GRM7: variants seen among roughly 807,000 people sequenced by gnomAD.
GRM7 encodes the protein metabotropic glutamate receptor 7.
A neutral mutation model predicts 84.5 loss-of-function variants in GRM7; 35 were observed. The observed-to-expected ratio is 0.41, with a 90% CI of 0.32 to 0.55. GRM7 has a LOEUF of 0.55. GRM7 is among the 20% of genes least tolerant of loss of function. The pLI is 0.19. For synonymous variants in GRM7, 487 were observed against 455.1 expected (o/e 1.07, Z -0.89); for missense variants, 1,003 against 1,194.6 (o/e 0.84, Z 2.36).
intron 8 of GRM7, among the ~76,000 whole-genome samples, chr3:7,597,566 T>A (rs191933585): frequency 6.6e-6 from 1 of 152,254 alleles, no homozygotes; most frequent in Non-Finnish European, 1.5e-5. Flanking sequence ...ATATACTGGA[T>A]TTAGCACATC....
chr3:7,553,735 A>C (rs112864623), intron 7 of GRM7, among the ~76,000 whole-genome samples: 1 of 152,112 alleles, frequency 6.6e-6, no homozygotes, highest in South Asian at 2.1e-4. Context: ...GCATGGGGGA[A>C]ATCACCCTCT....
intron 1 of GRM7, among the ~76,000 whole-genome samples, chr3:6,936,180 C>T (rs1697686617): frequency 6.6e-6 from 1 of 152,188 alleles, no homozygotes; most frequent in Admixed American, 6.5e-5. Context: ...GTCTCTCCCT[C>T]GGTGTTCTGC....
chr3:7,141,708 T>G (rs1246047864), intron 1 of GRM7, among the ~76,000 whole-genome samples: 1 of 151,402 alleles, frequency 6.6e-6, no homozygotes, highest in Non-Finnish European at 1.5e-5. Flanking sequence ...ACAGCTAAAA[T>G]AGTAAAACAC....
intron 4 of GRM7, among the ~76,000 whole-genome samples, chr3:7,361,249 G>A (rs761235317): frequency 3.3e-5 from 5 of 151,852 alleles, no homozygotes; most frequent in Non-Finnish European, 7.4e-5. Context: ...TATTTTTAAC[G>A]TGGAAAGTAC....
chr3:7,050,289 C>A (rs1696945645), intron 1 of GRM7, among the ~76,000 whole-genome samples: 1 of 151,830 alleles, frequency 6.6e-6, no homozygotes, highest in East Asian at 1.9e-4. Context: ...AAAGTCTGTT[C>A]TAAAACAAAA....
chr3:7,481,237 C>T (rs539326272), intron 7 of GRM7, among the ~76,000 whole-genome samples: 1 of 152,108 alleles, frequency 6.6e-6, no homozygotes, highest in Admixed American at 6.5e-5. Context: ...CGCCACCATG[C>T]TTGATTTTTT....
intron 7 of GRM7, among the ~76,000 whole-genome samples, chr3:7,555,549 A>G (rs955055138): frequency 6.6e-6 from 1 of 152,148 alleles, no homozygotes; most frequent in African/African-American, 2.4e-5. Context: ...CTATTCTTCA[A>G]TATTCTTTTT....
intron 4 of GRM7, among the ~76,000 whole-genome samples, chr3:7,349,977 G>A (rs1258327718): frequency 6.6e-6 from 1 of 151,776 alleles, no homozygotes; most frequent in African/African-American, 2.4e-5. Flanking sequence ...GAATCATCTT[G>A]TAGTTTTCCA....
chr3:7,545,807 A>G (rs1369162798), intron 7 of GRM7, among the ~76,000 whole-genome samples: 2 of 152,148 alleles, frequency 1.3e-5, no homozygotes, highest in East Asian at 3.9e-4. Flanking sequence ...GTAATAATTC[A>G]CAAGCTATAC....
At chr3:7,153,072 A>C (rs1172181908) in intron 2 of GRM7, among the ~76,000 whole-genome samples, 1 of 151,558 alleles carries the variant, frequency 6.6e-6, no homozygotes. Context: ...CAGTAGAACA[A>C]TCTCCAGCTT....
intron 2 of GRM7, among the ~76,000 whole-genome samples, chr3:7,167,815 A>C (rs1249104871): frequency 6.6e-6 from 1 of 151,706 alleles, no homozygotes; most frequent in African/African-American, 2.4e-5. Flanking sequence ...TAAATATACA[A>C]AAGATTAGCT....
chr3:6,900,024 G>A (rs922027318), intron 1 of GRM7, among the ~76,000 whole-genome samples: 1 of 152,068 alleles, frequency 6.6e-6, no homozygotes, highest in African/African-American at 2.4e-5. Context: ...GAGCAATAAT[G>A]GATACAGATA....
chr3:6,930,719 C>G (rs1016344810), intron 1 of GRM7, among the ~76,000 whole-genome samples: 1 of 152,186 alleles, frequency 6.6e-6, no homozygotes. Context: ...GTCAGCCAGA[C>G]TGATAGGTTG....
intron 8 of GRM7, among the ~76,000 whole-genome samples, chr3:7,597,513 C>T (rs1259525285): frequency 6.6e-6 from 1 of 152,186 alleles, no homozygotes; most frequent in Non-Finnish European, 1.5e-5. Flanking sequence ...CTGACCCCTG[C>T]AGTCCAGCAG....
At chr3:7,053,229 T>A (rs1199087490) in intron 1 of GRM7, among the ~76,000 whole-genome samples, 1 of 151,408 alleles carries the variant, frequency 6.6e-6, no homozygotes, top group East Asian at 1.9e-4. Flanking sequence ...CAAATCCTTT[T>A]TTTTTACTTT....
intron 1 of GRM7, among the ~76,000 whole-genome samples, chr3:6,958,917 C>CA (rs200128472): frequency 6.6e-6 from 1 of 151,846 alleles, no homozygotes; most frequent in African/African-American, 2.4e-5. Context: ...TATACCACAG[C>CA]AAAAAAAGTG....
At chr3:7,128,954 T>G (rs1471698354) in intron 1 of GRM7, among the ~76,000 whole-genome samples, 3 of 152,162 alleles carry the variant, frequency 2.0e-5, no homozygotes, top group African/African-American at 7.2e-5. Context: ...AAATGTTGCT[T>G]TCTGAAAGAT....
At chr3:7,401,750 A>G (rs1695461712) in intron 4 of GRM7, among the ~76,000 whole-genome samples, 1 of 152,216 alleles carries the variant, frequency 6.6e-6, no homozygotes, top group African/African-American at 2.4e-5. Flanking sequence ...CTAACTTCTG[A>G]ATCTCTTCCC....
At chr3:7,557,570 C>T (rs1693832396) in intron 7 of GRM7, among the ~76,000 whole-genome samples, 1 of 152,002 alleles carries the variant, frequency 6.6e-6, no homozygotes, top group Admixed American at 6.6e-5. Flanking sequence ...GATCAACTTC[C>T]AAGTCAGACA....
Sources: gnomAD v4.1 joint callset for allele counts (sites outside exome capture counted in the v4.1 genomes callset) on GRCh38, gnomAD v4.1.1 for gene constraint, MANE v1.5 for transcripts, NCBI Gene and HGNC (gene_info 2026-07-23, HGNC 2026-07-21) for gene names.